SMUG1: variants seen among roughly 807,000 people sequenced by gnomAD.
SMUG1 encodes single-strand selective monofunctional uracil DNA glycosylase.
SMUG1 carries 13 observed loss-of-function variants against 23.9 expected under a neutral mutation model. The ratio of observed to expected loss-of-function variants is 0.54; its 90% CI spans 0.35 to 0.86. The LOEUF (loss-of-function observed/expected upper bound fraction) is 0.86, where lower values mean the gene tolerates loss of function less well. Among genes scored for constraint, SMUG1 ranks in the 40% least tolerant of loss-of-function variants. The pLI, the probability that SMUG1 is intolerant of heterozygous loss-of-function variation, is 0.01. For missense variants in SMUG1, 313 were observed against 339.5 expected (o/e 0.92, Z 0.61); for synonymous variants, 133 against 139.8 (o/e 0.95, Z 0.34).
intron 2 of SMUG1, among the ~76,000 whole-genome samples, chr12:54,186,584 C>T (rs1474920849): frequency 1.2e-3 from 188 of 152,246 alleles, no homozygotes; most frequent in African/African-American, 4.4e-3. Flanking sequence ...TCATGATCTG[C>T]CTGCCTCAGC....
In SMUG1 at chr12:54,183,798, G is replaced by A. The variant is rs149806805; in HGVS notation, c.143C>T (p.Ser48Leu). 5.8e-4 allele frequency: 929 copies of A among 1,614,118 alleles called. No individual in the cohort carries two copies. Among genetic ancestry groups the A allele is most frequent in the Non-Finnish European group, 6.9e-4 (816 of 1,180,008 alleles). The change falls in exon 3 of 4, where the codon TCG (serine) becomes TTG (leucine). Residue 48 changes from serine to leucine, a missense_variant. Physicochemically the swap from Ser to Leu is moderately radical, Grantham distance 145. Transcript: ENST00000682136. ...ATTGTAGATGATGCCCACAGGCTCC[G>A]AAAACTGCAGCTGGCTCAGCTCAGC... ...LNAELSQLQF[S>L]EPVGIIYNPV...
intron 3 of SMUG1, 73 bp from the exon 4 acceptor site, chr12:54,182,696 T>A: frequency 6.5e-7 from 1 of 1,529,128 alleles, no homozygotes; most frequent in Non-Finnish European, 8.8e-7. Flanking sequence ...CCAACTGACT[T>A]CTTTATACCT....
chr12:54,186,345 GTTTTGT>G (rs1356959624), intron 2 of SMUG1, among the ~76,000 whole-genome samples: 10 of 97,002 alleles, frequency 1.0e-4, no homozygotes, highest in East Asian at 3.1e-4. Flanking sequence ...GTTTTGTTTT[GTTTTGT>G]TTTTTTTTTG....
intron 2 of SMUG1, among the ~76,000 whole-genome samples, chr12:54,186,402 GCGCGATCT>G (rs1437651399): frequency 6.6e-6 from 1 of 151,746 alleles, no homozygotes; most frequent in Non-Finnish European, 1.5e-5. Flanking sequence ...GAGTGCAGTG[GCGCGATCT>G]CAGCTCACTG....
chr12:54,176,756 G>A (rs536106649), downstream of SMUG1, among the ~76,000 whole-genome samples: 141 of 145,566 alleles, frequency 9.7e-4, 1 homozygote, highest in Non-Finnish European at 1.7e-3. Flanking sequence ...GCAGTGAGCC[G>A]AGATCGCGCC....
downstream of SMUG1, among the ~76,000 whole-genome samples, chr12:54,178,181 C>A (rs1310965519): frequency 6.6e-6 from 1 of 152,172 alleles, no homozygotes; most frequent in Admixed American, 6.5e-5. Context: ...CCAGAAGTGT[C>A]AGAAATTTCT....
At chr12:54,178,335 A>C (rs7300912), downstream of SMUG1, among the ~76,000 whole-genome samples, 69,157 of 151,990 alleles carry the variant, frequency 0.46, 17,179 homozygotes, top group Non-Finnish European at 0.55. Flanking sequence ...CAACAGCCCC[A>C]CTAGGACCCA....
intron 3 of SMUG1, chr12:54,168,729 G>A (rs1252987739): frequency 3.9e-5 from 6 of 152,282 alleles, no homozygotes; most frequent in Non-Finnish European, 7.3e-5. Context: ...CAGAGTTGGG[G>A]GGAGGGGCTT....
At chr12:54,162,909 G>C (rs1023649762), downstream of SMUG1, 17 of 152,242 alleles carry the variant, frequency 1.1e-4, no homozygotes, top group African/African-American at 4.1e-4. Flanking sequence ...GTAGGAGCCA[G>C]GCCAGCAGCT....
intron 3 of SMUG1, 43 bp downstream of exon 3, chr12:54,183,613 T>C (rs1366073326): frequency 1.0e-5 from 16 of 1,607,016 alleles, no homozygotes; most frequent in African/African-American, 1.3e-5. Flanking sequence ...AGCATCCACC[T>C]AGAACCCCCC....
intron 3 of SMUG1, chr12:54,183,262 A>G: frequency 2.9e-6 from 1 of 340,090 alleles, no homozygotes; most frequent in Non-Finnish European, 5.3e-6. Flanking sequence ...GGTTCCCAGA[A>G]CGCCCTGCAT....
At chr12:54,188,295 A>AAT (rs869289712) in intron 1 of SMUG1, among the ~76,000 whole-genome samples, 3,524 of 68,498 alleles carry the variant, frequency 0.051, 74 homozygotes, top group African/African-American at 0.091. Flanking sequence ...TAATAATAAT[A>AAT]AATAATAATA....
rs748647964 is a variant in SMUG1 at position 54,181,599 on chromosome 12, C to T, written c.*497G>A. 1.9e-6 allele frequency: 3 copies of T among 1,578,202 alleles called. No individual in the cohort carries two copies. In the Admixed American group the frequency reaches 5.3e-5, roughly 28 times the overall value. ...TTTCCTCTGATCCAGCTGCAGCCTC[C>T]CATAAGAAGTTCACTCTTAATTTCA... is the stretch of plus-strand genomic sequence containing the variant. On this transcript the variant is annotated 3_prime_UTR_variant, in exon 4 of 4. Transcript: ENST00000682136.
chr12:54,161,876 G>A (rs1423391128), downstream of SMUG1, among the ~76,000 whole-genome samples: 1 of 152,216 alleles, frequency 6.6e-6, no homozygotes, highest in Non-Finnish European at 1.5e-5. This position sits in a 1 kb window ranked among gnomAD's most constrained non-coding sequence, Gnocchi z 4.2. Flanking sequence ...GGCAGTGGTA[G>A]GGGGAGGGGG....
chr12:54,184,019 A>G, intron 2 of SMUG1, 60 bp from the exon 3 acceptor site: 2 of 1,375,116 alleles, frequency 1.5e-6, no homozygotes, highest in South Asian at 3.1e-5. Flanking sequence ...GGAGGGATCC[A>G]TGCTTGCCAG....
At chr12:54,183,572 A>G in intron 3 of SMUG1, 84 bp downstream of exon 3, 1 of 1,406,134 alleles carries the variant, frequency 7.1e-7, no homozygotes, top group Non-Finnish European at 1.0e-6. Flanking sequence ...ACAGCCATGC[A>G]CATGCTCCTT....
chr12:54,181,631 A>G lies in SMUG1; in HGVS notation c.*465T>C. On this transcript the variant is annotated 3_prime_UTR_variant, in exon 4 of 4. Coordinates refer to ENST00000682136, the MANE Select transcript of SMUG1 (RefSeq NM_001243787.2). Reference sequence around the variant, plus strand: ...AAGTTCACTCTTAATTTCATGTCCCATGCTTTGTCTTGGTCCCTGTGAGGA... The same window carrying G: ...AAGTTCACTCTTAATTTCATGTCCCGTGCTTTGTCTTGGTCCCTGTGAGGA... 3 of 1,588,310 alleles carry G rather than the reference A, an allele frequency of 1.9e-6. No individual in the cohort carries two copies. The highest frequency in any genetic ancestry group is 2.6e-6 in the Non-Finnish European group (3 of 1,174,928).
chr12:54,186,381 C>A (rs551247651), intron 2 of SMUG1, among the ~76,000 whole-genome samples: 4 of 150,750 alleles, frequency 2.7e-5, no homozygotes, highest in Admixed American at 6.6e-5. Flanking sequence ...CTTGCTCTGT[C>A]GCCCAGACTG....
chr12:54,164,332 A>T (rs1283603069), downstream of SMUG1: 1 of 149,302 alleles, frequency 6.7e-6, no homozygotes, highest in African/African-American at 2.5e-5. Context: ...GAAGGGGAAG[A>T]CTGGAGTCCA....
Sources: gnomAD v4.1 joint callset for allele counts (sites outside exome capture counted in the v4.1 genomes callset) on GRCh38, gnomAD v4.1.1 for gene constraint, Gnocchi (gnomAD v3.1) non-coding constraint, MANE v1.5 for transcripts, NCBI Gene and HGNC (gene_info 2026-07-23, HGNC 2026-07-21) for gene names.